Variants in CCDC3 observed in about 807,000 individuals in gnomAD.
CCDC3 encodes coiled-coil domain-containing protein 3.
Under a neutral mutation model 21.4 loss-of-function variants are expected in CCDC3, and 24 were observed. The observed-to-expected ratio is 1.12, with a 90% CI of 0.81 to 1.58. The LOEUF is 1.58. Ranked by LOEUF, CCDC3 falls within the 40% of genes most tolerant of loss-of-function variation. The pLI, the probability that CCDC3 is intolerant of heterozygous loss-of-function variation, is 0.00. For synonymous variants in CCDC3, 186 were observed against 166.0 expected (o/e 1.12, Z -0.93); for missense variants, 425 against 360.9 (o/e 1.18, Z -1.44).
chr10:12,935,893 A>G (rs75063046), intron 2 of CCDC3, among the ~76,000 whole-genome samples: 7,210 of 152,294 alleles, frequency 0.047, 215 homozygotes, highest in Non-Finnish European at 0.072. Context: ...ACCTTATAAT[A>G]ACAAGACGTT....
In CCDC3 at chr10:13,065,582, G is replaced by A. The variant is rs554276025; in HGVS notation, c.-270+8286C>T. 5.9e-5 allele frequency among the ~76,000 whole-genome samples: 9 copies of A among 152,208 alleles called. No individual in the cohort carries two copies. In the South Asian group the frequency reaches 8.3e-4, roughly 14 times the overall value. On this transcript the variant is annotated intron_variant, in intron 4 of 6. Coordinates refer to the CCDC3 transcript ENST00000378839. ...AAGAACGTTCTTGCTTAATAATTAC[G>A]ATATGAAGCTAATGCTGTTTCCTTC... is the stretch of plus-strand genomic sequence containing the variant.
At chr10:13,040,533 A>C (rs949628740) in intron 5 of CCDC3, among the ~76,000 whole-genome samples, 3 of 152,134 alleles carry the variant, frequency 2.0e-5, no homozygotes, top group African/African-American at 7.2e-5. Context: ...TCTACCAAAA[A>C]CACAAAATTA....
chr10:13,055,963 GA>G (rs1836675891), intron 4 of CCDC3, among the ~76,000 whole-genome samples: 1 of 152,190 alleles, frequency 6.6e-6, no homozygotes, highest in African/African-American at 2.4e-5. Context: ...TATGGAGAAA[GA>G]AATCCCTATT....
At chr10:12,975,750 C>T (rs1350341788) in intron 2 of CCDC3, among the ~76,000 whole-genome samples, 1 of 152,202 alleles carries the variant, frequency 6.6e-6, no homozygotes. Context: ...TAACCAGCAA[C>T]TTTCACAGAA....
chr10:12,999,738 C>A (rs1835817755), intron 1 of CCDC3, among the ~76,000 whole-genome samples: 1 of 152,216 alleles, frequency 6.6e-6, no homozygotes, highest in African/African-American at 2.4e-5. Context: ...ATAAAAATTT[C>A]TTTAAAAAGC....
chr10:13,041,781 C>G (rs1001257629), intron 5 of CCDC3, among the ~76,000 whole-genome samples: 2 of 151,812 alleles, frequency 1.3e-5, no homozygotes, highest in African/African-American at 4.8e-5. Context: ...AACCACCATG[C>G]CCAGCCCTGG....
At chr10:13,047,156 A>AT (rs918233342) in intron 5 of CCDC3, among the ~76,000 whole-genome samples, 2 of 152,028 alleles carry the variant, frequency 1.3e-5, no homozygotes, top group South Asian at 2.1e-4. Flanking sequence ...CAGAACAATT[A>AT]TAGGAAAGAA....
At chr10:13,004,181 T>C (rs187578049), upstream of CCDC3, among the ~76,000 whole-genome samples, 5 of 152,316 alleles carry the variant, frequency 3.3e-5, no homozygotes, top group East Asian at 9.6e-4. Context: ...CGTATATGTA[T>C]GTTCTGTTTC....
chr10:13,076,048 C>T (rs567241502), intron 3 of CCDC3, among the ~76,000 whole-genome samples: 26 of 152,050 alleles, frequency 1.7e-4, no homozygotes, highest in African/African-American at 6.0e-4. Flanking sequence ...GGTGACAGAG[C>T]AAGACCCTAT....
At chr10:13,054,698 C>G (rs1866624) in intron 4 of CCDC3, among the ~76,000 whole-genome samples, 36,379 of 151,964 alleles carry the variant, frequency 0.24, 4,472 homozygotes, top group Admixed American at 0.27. Context: ...CCAGAATTTC[C>G]CTCTTGTTGC....
intron 2 of CCDC3, among the ~76,000 whole-genome samples, chr10:12,906,570 G>A (rs986902382): frequency 2.0e-5 from 3 of 152,114 alleles, no homozygotes; most frequent in Non-Finnish European, 4.4e-5. Context: ...ACTGAATTCT[G>A]GCTTAAACGA....
chr10:12,975,213 A>C (rs572785793), intron 2 of CCDC3, among the ~76,000 whole-genome samples: 11 of 152,214 alleles, frequency 7.2e-5, no homozygotes, highest in African/African-American at 2.6e-4. Flanking sequence ...TTGCTCTAAC[A>C]AATGTCTTCT....
intron 3 of CCDC3, among the ~76,000 whole-genome samples, chr10:13,091,820 CAAA>C (rs5783305): frequency 0.019 from 2,358 of 127,284 alleles, 53 homozygotes; most frequent in African/African-American, 0.059. Context: ...AAGCCCAATC[CAAA>C]AAAAAAAAAA....
At chr10:13,000,471 T>C (rs1360966745) in intron 1 of CCDC3, among the ~76,000 whole-genome samples, 6 of 152,288 alleles carry the variant, frequency 3.9e-5, no homozygotes, top group African/African-American at 1.2e-4. Flanking sequence ...CCTCCTGGCC[T>C]GGTTCACCTC....
At chr10:13,020,971 C>T (rs1033717792) in intron 5 of CCDC3, among the ~76,000 whole-genome samples, 13 of 152,090 alleles carry the variant, frequency 8.5e-5, no homozygotes, top group African/African-American at 2.9e-4. Flanking sequence ...GCTGAATGAA[C>T]GAATGAATGA....
At chr10:12,951,804 C>CAAAAAAA (rs71924811) in intron 2 of CCDC3, among the ~76,000 whole-genome samples, 25,696 of 60,412 alleles carry the variant, frequency 0.43, 8,124 homozygotes, top group Non-Finnish European at 0.47. Flanking sequence ...GACTTCATCT[C>CAAAAAAA]AAAAAAAAAA....
intron 2 of CCDC3, among the ~76,000 whole-genome samples, chr10:12,944,124 G>T (rs73574000): frequency 2.8e-4 from 42 of 152,150 alleles, no homozygotes; most frequent in Admixed American, 1.0e-3. Context: ...AGGCCCTGAA[G>T]GAAATTATTT....
At chr10:13,052,793 C>T (rs1051802716) in intron 4 of CCDC3, among the ~76,000 whole-genome samples, 2 of 151,878 alleles carry the variant, frequency 1.3e-5, no homozygotes, top group Admixed American at 6.6e-5. Context: ...TACAAAAATT[C>T]GCCAGATGTG....
chr10:13,074,631 C>T lies in CCDC3; in HGVS notation c.-502-531G>A, dbSNP rs112413994. On this transcript the variant is annotated intron_variant, in intron 3 of 6. Coordinates refer to the CCDC3 transcript ENST00000378839. ...ATTTTTCTACAATACTTTCTCCTTA[C>T]CCTTGTTAAAGCATTTGTTATCACT... is the stretch of plus-strand genomic sequence containing the variant. 3.7e-3 allele frequency among the ~76,000 whole-genome samples: 551 copies of T among 150,638 alleles called. 2 individuals carry two copies. The highest frequency in any genetic ancestry group is 0.012 in the African/African-American group (513 of 41,084).
Sources: allele counts gnomAD v4.1 joint callset (sites outside exome capture counted in the v4.1 genomes callset), GRCh38; gene constraint gnomAD v4.1.1; transcripts MANE v1.5; gene names NCBI Gene and HGNC (gene_info 2026-07-23, HGNC 2026-07-21).